The following EFCAB5 variants were observed in gnomAD, a reference collection of about 807,000 sequenced individuals.
EFCAB5 encodes EF-hand calcium binding domain 5, also known as EF-hand calcium-binding domain-containing protein 5.
In EFCAB5, 131 loss-of-function variants were observed where a neutral mutation model predicts 167.9. The observed-to-expected ratio is 0.78, with a 90% CI of 0.68 to 0.90. EFCAB5 has a LOEUF of 0.90. Ranked by LOEUF, EFCAB5 falls within the 40% of genes least tolerant of loss-of-function variation. The probability of loss-of-function intolerance (pLI) is 0.00; values close to 1 mark genes in which losing one functional copy is unlikely to be tolerated. For synonymous variants in EFCAB5, 574 were observed against 602.8 expected (o/e 0.95, Z 0.70); for missense variants, 1,663 against 1,745.2 (o/e 0.95, Z 0.84).
chr17:29,965,897 C>T (rs985795394), intron 3 of EFCAB5, among the ~76,000 whole-genome samples: 1 of 151,800 alleles, frequency 6.6e-6, no homozygotes, highest in Non-Finnish European at 1.5e-5. Context: ...ATTTTTGTTG[C>T]TATAATGACA....
At chr17:30,058,021 A>G (rs2070323273) in intron 13 of EFCAB5, 131 bp downstream of exon 13, 2 of 750,304 alleles carry the variant, frequency 2.7e-6, no homozygotes, top group Non-Finnish European at 4.2e-6. Flanking sequence ...TTCAACAAGC[A>G]TAGCCATTAA....
In EFCAB5 at chr17:30,034,335, A is replaced by G; in HGVS notation, c.1150A>G (p.Met384Val). ...ATTTCGGGAGGTCATAAAAGCTGAC[A>G]TGCGGAGGCAGATGTTCGCTGAACT... is the stretch of plus-strand genomic sequence containing the variant. ...DEFREVIKAD[M>V]RRQMFAELFL... Residue 384 changes from methionine (M) to valine (V), a missense_variant, in exon 8 of 23, where the codon ATG (methionine) becomes GTG (valine). Met to Val is a conservative substitution (Grantham distance 21). Transcript: ENST00000394835. 1 of 1,612,854 alleles carries G rather than the reference A, an allele frequency of 6.2e-7. No homozygotes were observed. The highest frequency in any genetic ancestry group is 1.7e-5 in the Admixed American group (1 of 59,830).
chr17:29,955,793 C>T (rs2067603107), intron 3 of EFCAB5, among the ~76,000 whole-genome samples: 2 of 61,824 alleles, frequency 3.2e-5, no homozygotes, highest in African/African-American at 1.3e-4. Context: ...TGACATTCTT[C>T]ACAGAACTAA....
intron 14 of EFCAB5, among the ~76,000 whole-genome samples, chr17:30,066,587 G>T (rs1237891720): frequency 6.6e-6 from 1 of 151,676 alleles, no homozygotes; most frequent in Admixed American, 6.6e-5. Flanking sequence ...TCAAATAAAC[G>T]ATCTAACAAT....
intron 14 of EFCAB5, among the ~76,000 whole-genome samples, chr17:30,061,104 T>A (rs1212686507): frequency 6.6e-6 from 1 of 152,156 alleles, no homozygotes; most frequent in African/African-American, 2.4e-5. Context: ...ATAGATAGCA[T>A]AAAATGTGAA....
intron 8 of EFCAB5, among the ~76,000 whole-genome samples, chr17:30,045,952 G>T (rs139875196): frequency 1.3e-5 from 2 of 152,254 alleles, no homozygotes; most frequent in South Asian, 2.1e-4. Flanking sequence ...TGAGGCAGGA[G>T]GATAGCTTGA....
At chr17:30,060,330 C>T (rs911061296) in intron 14 of EFCAB5, among the ~76,000 whole-genome samples, 1 of 151,232 alleles carries the variant, frequency 6.6e-6, no homozygotes, top group Non-Finnish European at 1.5e-5. Context: ...TTGCAAATTT[C>T]TTCTTCAATT....
chr17:30,102,188 A>C (rs1337461190), intron 22 of EFCAB5, among the ~76,000 whole-genome samples: 2 of 152,194 alleles, frequency 1.3e-5, no homozygotes, highest in Middle Eastern at 3.4e-3. Context: ...TGCTGGTGGG[A>C]GTCTATGGAA....
chr17:29,945,692 AC>A, intron 3 of EFCAB5, among the ~76,000 whole-genome samples: 1 of 152,270 alleles, frequency 6.6e-6, no homozygotes, highest in South Asian at 2.1e-4. Flanking sequence ...AAAACCAAAT[AC>A]CTACAACCAA....
At chr17:29,972,907 G>T (rs2151588367) in intron 4 of EFCAB5, 2 of 167,218 alleles carry the variant, frequency 1.2e-5, no homozygotes, top group South Asian at 3.3e-4. Flanking sequence ...CTGACTCTGT[G>T]ACCATATGGG....
intron 3 of EFCAB5, among the ~76,000 whole-genome samples, chr17:29,964,083 T>A (rs2067776552): frequency 6.9e-6 from 1 of 144,654 alleles, no homozygotes; most frequent in Non-Finnish European, 1.5e-5. Flanking sequence ...ATGAGCCAAA[T>A]AAACCTCTTT....
rs147166899 is a variant in EFCAB5, at chr17:30,033,070, G to A, written c.1045-1160G>A. Among the ~76,000 whole-genome samples, 668 of 152,072 alleles carry A rather than the reference G, an allele frequency of 4.4e-3. 6 individuals carry two copies. Among genetic ancestry groups the A allele is most frequent in the African/African-American group, 0.015 (636 of 41,464 alleles). On this transcript the variant is annotated intron_variant, in intron 7 of 22. Coordinates refer to ENST00000394835, the MANE Select transcript of EFCAB5 (RefSeq NM_198529.4). ...CAGGGGAGGAAATCATCGGCTGTGA[G>A]CTGAGCTCACACTTTTTTTTTTTTT...
At chr17:30,051,077 T>C in intron 8 of EFCAB5, 41 bp from the exon 9 acceptor site, 1 of 1,588,580 alleles carries the variant, frequency 6.3e-7, no homozygotes. Flanking sequence ...AAATCTTAAA[T>C]CTCCTGTAAC....
At chr17:30,097,054 ATATATAT>A (rs1330626221) in intron 22 of EFCAB5, among the ~76,000 whole-genome samples, 2 of 62,036 alleles carry the variant, frequency 3.2e-5, no homozygotes, top group South Asian at 4.6e-4. Flanking sequence ...ATATACATAT[ATATATAT>A]TTTTTTTTTT....
intron 1 of EFCAB5, among the ~76,000 whole-genome samples, chr17:29,932,012 TA>T (rs2151503280): frequency 6.6e-6 from 1 of 152,322 alleles, no homozygotes; most frequent in South Asian, 2.1e-4. Flanking sequence ...TCTAAAACCT[TA>T]TGCAAATGGC....
chr17:30,086,854 T>C (rs947471593), intron 18 of EFCAB5, among the ~76,000 whole-genome samples: 1 of 152,148 alleles, frequency 6.6e-6, no homozygotes, highest in Non-Finnish European at 1.5e-5. Context: ...ATCGTGCTAT[T>C]GCACTCCAAC....
At chr17:30,042,577 A>G (rs532108491) in intron 8 of EFCAB5, among the ~76,000 whole-genome samples, 1 of 152,190 alleles carries the variant, frequency 6.6e-6, no homozygotes, top group Non-Finnish European at 1.5e-5. Context: ...CAAATTACCA[A>G]GTCTAACTCA....
intron 7 of EFCAB5, among the ~76,000 whole-genome samples, chr17:30,019,868 T>G (rs2069133189): frequency 6.6e-6 from 1 of 152,198 alleles, no homozygotes; most frequent in South Asian, 2.1e-4. Flanking sequence ...CTATTTAGTT[T>G]ATTTTTATCA....
chr17:29,931,484 A>G (rs758151284), intron 1 of EFCAB5, among the ~76,000 whole-genome samples: 3 of 152,182 alleles, frequency 2.0e-5, no homozygotes, highest in African/African-American at 4.8e-5. Context: ...CCTGTACTGT[A>G]CAGTCCTATG....
Sources: allele counts gnomAD v4.1 joint callset (sites outside exome capture counted in the v4.1 genomes callset), GRCh38; gene constraint gnomAD v4.1.1; transcripts MANE v1.5; gene names NCBI Gene and HGNC (gene_info 2026-07-23, HGNC 2026-07-21).